FHIT: variants seen among roughly 807,000 people sequenced by gnomAD.
FHIT encodes the protein bis(5'-adenosyl)-triphosphatase.
In FHIT, 19 loss-of-function variants were observed where a neutral mutation model predicts 17.9. The ratio of observed to expected loss-of-function variants is 1.06; its 90% CI spans 0.74 to 1.56. FHIT has a LOEUF of 1.56. Ranked by LOEUF, FHIT falls within the 40% of genes most tolerant of loss-of-function variation. FHIT has a pLI of 0.00. For missense variants in FHIT, 248 were observed against 189.2 expected, an observed-to-expected ratio of 1.31 and a Z score of -1.82; for synonymous variants, 81 against 69.7, an observed-to-expected ratio of 1.16 and a Z score of -0.81.
intron 2 of FHIT, among the ~76,000 whole-genome samples, chr3:61,063,769 G>T (rs191947348): frequency 3.3e-5 from 5 of 150,840 alleles, no homozygotes; most frequent in Admixed American, 1.3e-4. Context: ...GTGTGTATGT[G>T]GTTCAAATGT....
At chr3:60,238,077 C>T (rs918714246) in intron 5 of FHIT, among the ~76,000 whole-genome samples, 1 of 140,402 alleles carries the variant, frequency 7.1e-6, no homozygotes, top group South Asian at 2.2e-4. Flanking sequence ...GCCTTGGAGG[C>T]GGAGGTGGCA....
chr3:60,993,772 A>G (rs1575810384), intron 3 of FHIT, among the ~76,000 whole-genome samples: 2 of 152,244 alleles, frequency 1.3e-5, no homozygotes, highest in African/African-American at 4.8e-5. Context: ...CTCAAGGCTC[A>G]TAACATTGGT....
At chr3:60,150,131 G>A (rs866901365) in intron 5 of FHIT, among the ~76,000 whole-genome samples, 11 of 148,832 alleles carry the variant, frequency 7.4e-5, no homozygotes, top group Admixed American at 4.7e-4. Context: ...TGAGTAGCTA[G>A]GATTACAGGC....
chr3:60,936,346 GA>G (rs1708189010), intron 3 of FHIT, among the ~76,000 whole-genome samples: 1 of 152,116 alleles, frequency 6.6e-6, no homozygotes, highest in South Asian at 2.1e-4. Flanking sequence ...AAGTAGTTCT[GA>G]AAACAGAGTA....
chr3:59,891,801 G>A (rs1703867490), intron 8 of FHIT, among the ~76,000 whole-genome samples: 2 of 152,262 alleles, frequency 1.3e-5, no homozygotes, highest in South Asian at 2.1e-4. Context: ...ACATGACCAT[G>A]AGGAGTGATC....
chr3:61,027,932 G>A lies in FHIT; in HGVS notation c.-111+14115C>T, dbSNP rs972549880. On this transcript the variant is annotated intron_variant, in intron 3 of 9. Transcript: ENST00000492590. ...CAAGCATGCACATTAGGGCATGCAT[G>A]CACACACATACACATATTTTTCCTT... 2.6e-5 allele frequency among the ~76,000 whole-genome samples: 4 copies of A among 152,132 alleles called. No individual in the cohort carries two copies. In the South Asian group the frequency reaches 8.3e-4, roughly 32 times the overall value.
intron 5 of FHIT, among the ~76,000 whole-genome samples, chr3:60,023,009 G>C (rs958538015): frequency 6.6e-6 from 1 of 152,120 alleles, no homozygotes; most frequent in Non-Finnish European, 1.5e-5. Context: ...ACTGTCACTC[G>C]AAAGAGTCTG....
At chr3:61,172,548 T>C (rs1057087384) in intron 2 of FHIT, among the ~76,000 whole-genome samples, 2 of 152,232 alleles carry the variant, frequency 1.3e-5, no homozygotes, top group African/African-American at 4.8e-5. Context: ...TATGTGATAG[T>C]ATTATCCAAT....
At chr3:59,922,460 T>A in intron 7 of FHIT, 46 bp from the exon 8 acceptor site, 5 of 1,516,050 alleles carry the variant, frequency 3.3e-6, no homozygotes, top group African/African-American at 1.4e-5. Context: ...TCTCCCCATG[T>A]ATTTTTAGAC....
chr3:59,818,978 T>C (rs1391451710), intron 8 of FHIT, among the ~76,000 whole-genome samples: 1 of 152,230 alleles, frequency 6.6e-6, no homozygotes, highest in Non-Finnish European at 1.5e-5. Context: ...AAAATCGCAA[T>C]GCAGAGAAGA....
intron 5 of FHIT, among the ~76,000 whole-genome samples, chr3:60,485,181 T>C (rs568433960): frequency 6.6e-6 from 1 of 152,178 alleles, no homozygotes; most frequent in East Asian, 1.9e-4. Flanking sequence ...GTGGAGAAAT[T>C]AGAATGCTTT....
intron 5 of FHIT, among the ~76,000 whole-genome samples, chr3:60,304,811 T>A (rs1708600330): frequency 6.6e-6 from 1 of 152,158 alleles, no homozygotes; most frequent in African/African-American, 2.4e-5. Flanking sequence ...AGTATCTAAC[T>A]TTATTAAGCA....
At chr3:60,897,271 C>T (rs930157610) in intron 3 of FHIT, among the ~76,000 whole-genome samples, 10 of 152,128 alleles carry the variant, frequency 6.6e-5, no homozygotes, top group Admixed American at 5.9e-4. Context: ...TACTTAAGGA[C>T]CCTTTTTTAT....
intron 4 of FHIT, among the ~76,000 whole-genome samples, chr3:60,578,010 GC>G (rs2037626807): frequency 6.6e-6 from 1 of 152,150 alleles, no homozygotes; most frequent in South Asian, 2.1e-4. Context: ...TGTAGCTCCA[GC>G]CCAGCATCAT....
chr3:60,682,192 C>T (rs782264217), intron 4 of FHIT, among the ~76,000 whole-genome samples: 2 of 152,014 alleles, frequency 1.3e-5, no homozygotes, highest in African/African-American at 4.8e-5. Context: ...AGGCTGGTCT[C>T]GAACTCCTGA....
chr3:59,875,854 C>T (rs1297319267), intron 8 of FHIT, among the ~76,000 whole-genome samples: 3 of 151,668 alleles, frequency 2.0e-5, no homozygotes, highest in African/African-American at 7.3e-5. Flanking sequence ...CATGCGTCAG[C>T]CATGAGTAAC....
At chr3:60,451,807 CAGA>C (rs377387941) in intron 5 of FHIT, among the ~76,000 whole-genome samples, 2 of 152,164 alleles carry the variant, frequency 1.3e-5, no homozygotes, top group African/African-American at 4.8e-5. Flanking sequence ...GCATAAGGAC[CAGA>C]AGGTTTCTAG....
At chr3:60,744,268 C>CAGAAAAAAA (rs2042305362) in intron 4 of FHIT, among the ~76,000 whole-genome samples, 1 of 80,088 alleles carries the variant, frequency 1.2e-5, no homozygotes, top group Non-Finnish European at 2.4e-5. Flanking sequence ...CAAAACAAAA[C>CAGAAAAAAA]AAAAAAAAAA....
At chr3:59,905,634 A>T (rs753348615) in intron 8 of FHIT, among the ~76,000 whole-genome samples, 1 of 152,148 alleles carries the variant, frequency 6.6e-6, no homozygotes, top group Non-Finnish European at 1.5e-5. Flanking sequence ...GAGTCAATAG[A>T]CTCTATGAGA....
Sources: allele counts gnomAD v4.1 joint callset (sites outside exome capture counted in the v4.1 genomes callset), GRCh38; gene constraint gnomAD v4.1.1; transcripts MANE v1.5; gene names NCBI Gene and HGNC (gene_info 2026-07-23, HGNC 2026-07-21).